Variants in RAB3GAP2 observed in about 807,000 individuals in gnomAD.
The protein encoded by RAB3GAP2 is rab3 GTPase-activating protein non-catalytic subunit.
Under a neutral mutation model 185.3 loss-of-function variants are expected in RAB3GAP2, and 87 were observed. The ratio of observed to expected loss-of-function variants is 0.47; its 90% CI spans 0.39 to 0.56. The LOEUF is 0.56. RAB3GAP2 is among the 20% of genes least tolerant of loss of function. RAB3GAP2 has a pLI of 0.00. For synonymous variants in RAB3GAP2, 554 were observed against 576.1 expected, an observed-to-expected ratio of 0.96 and a Z score of 0.55; for missense variants, 1,492 against 1,638.2, an observed-to-expected ratio of 0.91 and a Z score of 1.54.
chr1:220,157,995 A>G, intron 29 of RAB3GAP2, 119 bp from the exon 30 acceptor site: 1 of 780,772 alleles, frequency 1.3e-6, no homozygotes, highest in East Asian at 2.7e-5. Context: ...CTGAATAGAC[A>G]GGCAAGAATT....
At chr1:220,245,926 A>G (rs1480578139) in intron 1 of RAB3GAP2, among the ~76,000 whole-genome samples, 1 of 152,176 alleles carries the variant, frequency 6.6e-6, no homozygotes, top group Admixed American at 6.5e-5. Context: ...CTCACACGGC[A>G]GGGTATTCCA....
At chr1:220,251,383 A>G (rs1226080633) in intron 1 of RAB3GAP2, among the ~76,000 whole-genome samples, 2 of 152,250 alleles carry the variant, frequency 1.3e-5, no homozygotes, top group Non-Finnish European at 2.9e-5. Context: ...AGATATGATT[A>G]TATAAATATT....
chr1:220,171,101 C>A lies in RAB3GAP2; in HGVS notation c.2597G>T (p.Gly866Val). Residue 866 changes from glycine (G) to valine (V), a missense_variant, in exon 24 of 35, where the codon GGT (glycine) becomes GTT (valine). Transcript: ENST00000358951. ...TEKKFSQTVL[G>V]ADSEALTDSW... ...ATCAGTGAGGGCCTCTGAATCAGCA[C>A]CCAAAACTGTTTGGGAAAACTAATA... The A allele has an allele frequency of 1.2e-6, 2 of 1,614,072 alleles. No homozygotes were observed. The highest frequency in any genetic ancestry group is 1.7e-6 in the Non-Finnish European group (2 of 1,179,972).
Position 220,164,947 on chromosome 1 carries a change from T to C in RAB3GAP2, c.3088-148A>G, listed in dbSNP as rs896306163. The C allele has an allele frequency of 3.9e-6, 3 of 778,114 alleles. No individual in the cohort carries two copies. In the African/African-American group the frequency reaches 5.3e-5, roughly 14 times the overall value. The allele number at this position is 778,114 out of a possible 1,614,324, so 48.2% of individuals were successfully genotyped here. ...TAACATGAAATTATTGGATAAGAAATAACTTTTGATAAACTGTCCCTCTTC... is the reference window on the plus strand; with the variant it reads ...TAACATGAAATTATTGGATAAGAAACAACTTTTGATAAACTGTCCCTCTTC... On this transcript the variant is annotated intron_variant, in intron 26 of 34. Coordinates refer to ENST00000358951, the MANE Select transcript of RAB3GAP2 (RefSeq NM_012414.4).
At position 220,189,768 on chromosome 1, in the gene RAB3GAP2, C is replaced by A. The variant is rs1369360268; in HGVS notation, c.1715-1G>T. 1.4e-6 allele frequency: 2 copies of A among 1,479,508 alleles called. No homozygotes were observed. The highest frequency in any genetic ancestry group is 2.1e-5 in the Admixed American group (1 of 46,580). 91.6% of individuals were successfully genotyped at this position (1,479,508 alleles called of 1,614,324 possible). ...TCCTTTATTTCTGTTTCAACCAAAT[C>A]TATAAAGAAAAAAATAATCAAAGTA... is the stretch of plus-strand genomic sequence containing the variant. On this transcript the variant is annotated splice_acceptor_variant, in intron 16 of 34. Coordinates refer to ENST00000358951, the MANE Select transcript of RAB3GAP2 (RefSeq NM_012414.4). LOFTEE classifies it high-confidence loss of function.
intron 28 of RAB3GAP2, among the ~76,000 whole-genome samples, chr1:220,159,848 C>T (rs925864682): frequency 6.6e-6 from 1 of 152,002 alleles, no homozygotes; most frequent in East Asian, 1.9e-4. Context: ...GAAACCCCAT[C>T]TCTACTAAAA....
At position 220,191,176 on chromosome 1, in the gene RAB3GAP2, C is replaced by T. The variant is rs757551395; in HGVS notation, c.1379G>A (p.Arg460Gln). The T allele has an allele frequency of 1.1e-5, 18 of 1,613,858 alleles. No homozygotes were observed. Among genetic ancestry groups the T allele is most frequent in the African/African-American group, 2.7e-5 (2 of 74,878 alleles). The change falls in exon 14 of 35, where the codon CGA (arginine) becomes CAA (glutamine). Residue 460 changes from arginine (R) to glutamine (Q), a missense_variant. Transcript: ENST00000358951. The part of the protein sequence containing the change: ...SPFGNSQGPS[R>Q]VAQFLVIYAP... ...ATAGATCACAAGGAATTGAGCTACT[C>T]GACTTGGACCCTGAGAATTTCCAAA...
At chr1:220,178,836 A>G (rs1315217182) in intron 21 of RAB3GAP2, among the ~76,000 whole-genome samples, 2 of 152,158 alleles carry the variant, frequency 1.3e-5, no homozygotes, top group Non-Finnish European at 2.9e-5. Context: ...CTCCAATTAA[A>G]AGACACAGAG....
chr1:220,211,174 A>G, intron 4 of RAB3GAP2, 172 bp from the exon 5 acceptor site: 1 of 708,782 alleles, frequency 1.4e-6, no homozygotes, highest in Non-Finnish European at 2.5e-6. Flanking sequence ...GGTCCATAAA[A>G]TTCATTCACA....
At chr1:220,178,626 A>T (rs1007616259) in intron 21 of RAB3GAP2, among the ~76,000 whole-genome samples, 1 of 152,128 alleles carries the variant, frequency 6.6e-6, no homozygotes, top group African/African-American at 2.4e-5. Flanking sequence ...CCTCATGGTA[A>T]TCACAGTGCA....
At chr1:220,244,841 T>A (rs1377350446) in intron 1 of RAB3GAP2, among the ~76,000 whole-genome samples, 2 of 152,064 alleles carry the variant, frequency 1.3e-5, no homozygotes, top group Non-Finnish European at 2.9e-5. Context: ...GATGAAAGAC[T>A]TAAATCTAAA....
intron 19 of RAB3GAP2, 132 bp from the exon 20 acceptor site, chr1:220,183,063 C>G (rs1419701144): frequency 1.4e-5 from 10 of 703,842 alleles, no homozygotes; most frequent in Non-Finnish European, 2.2e-5. Context: ...CTGCTTAAAA[C>G]TTTACTTACA....
rs745457640 is a variant in RAB3GAP2 at position 220,151,250 on chromosome 1, G to A, written c.*1C>T. On this transcript the variant is annotated 3_prime_UTR_variant, in exon 35 of 35. Transcript: ENST00000358951. ...TTTAGACTATTTCCAGTAGGTAAGT[G>A]TCATAAAGAAGGAAGAGATATGGCT... is the stretch of plus-strand genomic sequence containing the variant. 11 of 1,612,918 alleles carry A rather than the reference G, an allele frequency of 6.8e-6. No homozygotes were observed. The Admixed American group carries it at 8.3e-5, about 12-fold the overall frequency.
intron 17 of RAB3GAP2, among the ~76,000 whole-genome samples, chr1:220,189,357 C>G (rs1338257330): frequency 6.6e-6 from 1 of 151,794 alleles, no homozygotes; most frequent in Non-Finnish European, 1.5e-5. Context: ...GCTGGGATTA[C>G]AGGCGCCCGC....
chr1:220,177,337 A>G (rs1427665896), intron 21 of RAB3GAP2, among the ~76,000 whole-genome samples: 1 of 152,244 alleles, frequency 6.6e-6, no homozygotes, highest in Non-Finnish European at 1.5e-5. Flanking sequence ...CCCTCTGAGG[A>G]AGGTCAAGTA....
At chr1:220,212,691 C>T (rs1265051910) in intron 4 of RAB3GAP2, among the ~76,000 whole-genome samples, 196 bp downstream of exon 4, 1 of 152,086 alleles carries the variant, frequency 6.6e-6, no homozygotes, top group Non-Finnish European at 1.5e-5. Context: ...CAGAGTCTTA[C>T]TATGTTGCCC....
Position 220,196,818 on chromosome 1 carries a change from C to T in RAB3GAP2, c.812-420G>A, listed in dbSNP as rs527757790. Among the ~76,000 whole-genome samples, 112 of 151,180 alleles carry T rather than the reference C, an allele frequency of 7.4e-4. No individual in the cohort carries two copies. The highest frequency in any genetic ancestry group is 2.6e-3 in the African/African-American group (109 of 41,228). ...CTGCACTCCAGCCTGGGCAACAGGG[C>T]GAGACCCCATCTCAAAAAAATAATA... On this transcript the variant is annotated intron_variant, in intron 9 of 34. Coordinates refer to ENST00000358951, the MANE Select transcript of RAB3GAP2 (RefSeq NM_012414.4).
chr1:220,152,365 C>A (rs1657773729), intron 33 of RAB3GAP2, among the ~76,000 whole-genome samples: 1 of 152,246 alleles, frequency 6.6e-6, no homozygotes, highest in Non-Finnish European at 1.5e-5. Context: ...GCGTGAGCCA[C>A]CACGCCCAGC....
intron 19 of RAB3GAP2, among the ~76,000 whole-genome samples, chr1:220,183,757 GAT>G (rs1658456001): frequency 1.3e-5 from 2 of 151,970 alleles, no homozygotes; most frequent in African/African-American, 4.8e-5. Flanking sequence ...GGCTCTCAGG[GAT>G]ACAACCTGCT....
Sources: gnomAD v4.1 joint callset for allele counts (sites outside exome capture counted in the v4.1 genomes callset) on GRCh38, gnomAD v4.1.1 for gene constraint, MANE v1.5 for transcripts, NCBI Gene and HGNC (gene_info 2026-07-23, HGNC 2026-07-21) for gene names.